The following SETX variants were observed in gnomAD, a reference collection of about 807,000 sequenced individuals.
The protein encoded by SETX is helicase senataxin.
SETX carries 90 observed loss-of-function variants against 227.2 expected under a neutral mutation model. That is an observed-to-expected ratio of 0.40 (90% confidence interval 0.33 to 0.47). The LOEUF is 0.47. Among genes scored for constraint, SETX ranks in the 20% least tolerant of loss-of-function variants. SETX has a pLI of 0.91. For synonymous variants in SETX, 1,210 were observed against 1,113.2 expected, an observed-to-expected ratio of 1.09 and a Z score of -1.73; for missense variants, 3,052 against 3,181.5, an observed-to-expected ratio of 0.96 and a Z score of 0.98.
intron 5 of SETX, 125 bp from the exon 6 acceptor site, chr9:132,336,640 T>C (rs1465003393): frequency 5.4e-6 from 4 of 746,080 alleles, no homozygotes; most frequent in South Asian, 1.5e-5. Context: ...ATTAATGCAA[T>C]GTGTGGACCT....
intron 4 of SETX, 68 bp from the exon 5 acceptor site, chr9:132,342,867 C>T (rs545195145): frequency 1.7e-6 from 2 of 1,145,862 alleles, no homozygotes; most frequent in East Asian, 2.3e-5. Context: ...AAATTAGGCT[C>T]CTTGGGCTAT....
At position 132,264,518 on chromosome 9, in the gene SETX, G is replaced by C; in HGVS notation, c.7755C>G (p.Ser2585Arg). ...CTACAGCAGCGGGCTGCTGTATATG[G>C]CTCAGGTCCTGGTGAACGACAGGGA... ...PGFPVVHQDL[S>R]HIQQPAAVVA... Residue 2585 changes from serine (S) to arginine (R), a missense_variant, in exon 26 of 26, where the codon AGC (serine) becomes AGG (arginine). Coordinates refer to ENST00000224140, the MANE Select transcript of SETX (RefSeq NM_015046.7). The C allele has an allele frequency of 6.2e-7, 1 of 1,613,926 alleles. No individual in the cohort carries two copies. The highest frequency in any genetic ancestry group is 1.7e-5 in the Admixed American group (1 of 60,008).
At chr9:132,317,447 G>T (rs10125289) in intron 10 of SETX, among the ~76,000 whole-genome samples, 38,074 of 151,852 alleles carry the variant, frequency 0.25, 6,065 homozygotes, top group East Asian at 0.67. Flanking sequence ...TTGTTGCTTC[G>T]TACATTTTGA....
At chr9:132,341,830 C>CA (rs1847989370) in intron 5 of SETX, among the ~76,000 whole-genome samples, 1 of 152,174 alleles carries the variant, frequency 6.6e-6, no homozygotes, top group Non-Finnish European at 1.5e-5. Context: ...CCGAGCTACC[C>CA]ACCGCCACCC....
intron 25 of SETX, among the ~76,000 whole-genome samples, chr9:132,265,210 G>A (rs984651036): frequency 6.8e-6 from 1 of 146,154 alleles, no homozygotes; most frequent in African/African-American, 2.5e-5. Flanking sequence ...CTATAATGGA[G>A]AACTTCAACT....
At chr9:132,322,960 G>A (rs1048565107) in intron 10 of SETX, among the ~76,000 whole-genome samples, 5 of 152,062 alleles carry the variant, frequency 3.3e-5, no homozygotes, top group Non-Finnish European at 7.4e-5. Flanking sequence ...GGACTTAGGA[G>A]AAAAGTTGAG....
At chr9:132,330,862 G>T (rs1290390243) in intron 9 of SETX, among the ~76,000 whole-genome samples, 190 bp downstream of exon 9, 17 of 152,096 alleles carry the variant, frequency 1.1e-4, no homozygotes, top group Admixed American at 1.1e-3. Context: ...TCCAAAGTAT[G>T]CATACTGTAG....
rs1021903032 is a variant in SETX, at chr9:132,264,147, T to G, written c.*92A>C. On this transcript the variant is annotated 3_prime_UTR_variant, in exon 26 of 26. Coordinates refer to ENST00000224140, the MANE Select transcript of SETX (RefSeq NM_015046.7). ...GTTTTCCAACAGCACACAAACTCCTTACAAAAAACAAGCTTATCTAGATGG... is the reference window on the plus strand; with the variant it reads ...GTTTTCCAACAGCACACAAACTCCTGACAAAAAACAAGCTTATCTAGATGG... The G allele has an allele frequency of 1.3e-6, 2 of 1,578,910 alleles. No individual in the cohort carries two copies. Among genetic ancestry groups the G allele is most frequent in the African/African-American group, 2.7e-5 (2 of 74,280 alleles).
At chr9:132,277,677 A>C (rs1843237043) in intron 21 of SETX, among the ~76,000 whole-genome samples, 1 of 150,946 alleles carries the variant, frequency 6.6e-6, no homozygotes, top group Non-Finnish European at 1.5e-5. Flanking sequence ...CCAGCTACTC[A>C]GGAGGCTGAG....
Position 132,318,266 on chromosome 9 carries a change from T to C in SETX, c.5275-6410A>G, listed in dbSNP as rs1846111830. Among the ~76,000 whole-genome samples, 3 of 152,336 alleles carry C rather than the reference T, an allele frequency of 2.0e-5. No homozygotes were observed. The South Asian group carries it at 6.2e-4, about 32-fold the overall frequency. On this transcript the variant is annotated intron_variant, in intron 10 of 25. Transcript: ENST00000224140. ...TCATGTTTCTAGCATGCTCTATTTTTTCGAGAATATTTAATATGCTTATAG... is the reference window on the plus strand; with the variant it reads ...TCATGTTTCTAGCATGCTCTATTTTCTCGAGAATATTTAATATGCTTATAG...
intron 18 of SETX, among the ~76,000 whole-genome samples, chr9:132,286,097 C>T (rs1843865215): frequency 6.6e-6 from 1 of 150,878 alleles, no homozygotes; most frequent in Non-Finnish European, 1.5e-5. Flanking sequence ...GCAGGAGAAT[C>T]GCTTGAACCC....
At chr9:132,270,277 C>A (rs1015551588) in intron 24 of SETX, among the ~76,000 whole-genome samples, 10 of 151,228 alleles carry the variant, frequency 6.6e-5, no homozygotes, top group East Asian at 3.9e-4. Flanking sequence ...AATGACTCAG[C>A]GTGCCCATGT....
At chr9:132,312,747 C>G (rs1845738563) in intron 10 of SETX, among the ~76,000 whole-genome samples, 1 of 152,140 alleles carries the variant, frequency 6.6e-6, no homozygotes. Context: ...CCCAGAATAC[C>G]CTACAGTAAG....
intron 10 of SETX, among the ~76,000 whole-genome samples, chr9:132,314,080 G>A (rs1564522616): frequency 1.3e-5 from 2 of 151,810 alleles, no homozygotes; most frequent in South Asian, 2.1e-4. Context: ...ACAGGCATGC[G>A]CCACCATGCC....
intron 11 of SETX, among the ~76,000 whole-genome samples, chr9:132,307,338 GTT>G (rs35122140): frequency 0.11 from 16,127 of 148,408 alleles, 975 homozygotes; most frequent in East Asian, 0.25. Flanking sequence ...AGCTAAATAA[GTT>G]TTTTTTTTTT....
chr9:132,340,937 G>T (rs986124985), intron 5 of SETX, among the ~76,000 whole-genome samples: 1 of 152,158 alleles, frequency 6.6e-6, no homozygotes, highest in Non-Finnish European at 1.5e-5. Flanking sequence ...GCTCTGAGAG[G>T]TAATTCCATA....
chr9:132,325,932 TAAAAAA>T (rs1305318477), intron 10 of SETX, among the ~76,000 whole-genome samples: 1 of 73,988 alleles, frequency 1.4e-5, no homozygotes. Flanking sequence ...AAACTCCACC[TAAAAAA>T]AAAAAAAAAA....
rs149362508 is a variant in SETX at position 132,327,153 on chromosome 9, T to C, written c.4445A>G (p.Glu1482Gly). Residue 1482 changes from glutamate (E) to glycine (G), a missense_variant, in exon 10 of 26, where the codon GAA becomes GGA. Around this residue, in one of 10 missense-constraint regions of SETX, gnomAD observed 1,483 missense variants for 1,312.0 expected, o/e 1.13. Coordinates refer to ENST00000224140, the MANE Select transcript of SETX (RefSeq NM_015046.7). ...ARHIEMAALK[E>G]GEPDSSSDAE... ...ATCACTGCTGGAGTCAGGCTCTCCT[T>C]CTTTCAAAGCTGCCATCTCTATATG... The C allele has an allele frequency of 9.3e-6, 15 of 1,614,066 alleles. No individual in the cohort carries two copies. In the African/African-American group the frequency reaches 1.7e-4, roughly 19 times the overall value.
At chr9:132,351,403 A>T (rs1466384609) in intron 2 of SETX, among the ~76,000 whole-genome samples, 1 of 152,256 alleles carries the variant, frequency 6.6e-6, no homozygotes, top group African/African-American at 2.4e-5. Context: ...CTAACAAAGG[A>T]GACAACAAAA....
Sources: gnomAD v4.1 joint callset for allele counts (sites outside exome capture counted in the v4.1 genomes callset) on GRCh38, gnomAD v4.1.1 for gene constraint, gnomAD v4.1.1 regional missense constraint, MANE v1.5 for transcripts, NCBI Gene and HGNC (gene_info 2026-07-23, HGNC 2026-07-21) for gene names.